Variants in CADM1 observed in about 807,000 individuals in gnomAD.
CADM1 encodes the protein TSLC-1.
A neutral mutation model predicts 53.1 loss-of-function variants in CADM1; 15 were observed. The ratio of observed to expected loss-of-function variants is 0.28; its 90% CI spans 0.19 to 0.44. The LOEUF is 0.44. Ranked by LOEUF, CADM1 falls within the 20% of genes least tolerant of loss-of-function variation. The probability of loss-of-function intolerance (pLI) is 1.00; values close to 1 mark genes in which losing one functional copy is unlikely to be tolerated. For missense variants in CADM1, 434 were observed against 611.3 expected, an observed-to-expected ratio of 0.71 and a Z score of 3.06; for synonymous variants, 281 against 243.0, an observed-to-expected ratio of 1.16 and a Z score of -1.45.
intron 3 of CADM1, 30 bp downstream of exon 3, chr11:115,238,470 C>T (rs757783008): frequency 6.2e-7 from 1 of 1,611,818 alleles, no homozygotes; most frequent in Non-Finnish European, 8.5e-7. Flanking sequence ...TATTCCATTT[C>T]CCCGGGTAAG....
At chr11:115,302,422 G>A (rs1376157624) in intron 1 of CADM1, among the ~76,000 whole-genome samples, 1 of 152,012 alleles carries the variant, frequency 6.6e-6, no homozygotes, top group Non-Finnish European at 1.5e-5. Flanking sequence ...TTTTTAAACT[G>A]ATATATCAAA....
intron 1 of CADM1, among the ~76,000 whole-genome samples, chr11:115,326,198 T>C (rs923815463): frequency 5.3e-5 from 8 of 152,206 alleles, no homozygotes; most frequent in Admixed American, 2.6e-4. Context: ...AGCTAGATTA[T>C]AGAGTTCTGC....
At chr11:115,371,905 T>C (rs1450478859) in intron 1 of CADM1, among the ~76,000 whole-genome samples, 1 of 152,098 alleles carries the variant, frequency 6.6e-6, no homozygotes, top group Non-Finnish European at 1.5e-5. Context: ...TGAAAAAAGA[T>C]ACATTGCATC....
chr11:115,429,564 C>T (rs543313267), intron 1 of CADM1, among the ~76,000 whole-genome samples: 6 of 149,266 alleles, frequency 4.0e-5, no homozygotes, highest in Non-Finnish European at 5.9e-5. Flanking sequence ...CGTGCCATTG[C>T]GCTCCAGCCT....
chr11:115,459,485 G>C (rs1948748750), intron 1 of CADM1, among the ~76,000 whole-genome samples: 1 of 152,114 alleles, frequency 6.6e-6, no homozygotes, highest in Non-Finnish European at 1.5e-5. Context: ...GAAATGTAGA[G>C]ATCTTCACCC....
intron 10 of CADM1, among the ~76,000 whole-genome samples, chr11:115,185,344 CACCAAGTT>C (rs1939492972): frequency 1.3e-5 from 2 of 152,158 alleles, no homozygotes; most frequent in Admixed American, 6.5e-5. Flanking sequence ...GAGTTGAAGT[CACCAAGTT>C]CTTTTCATTT....
chr11:115,358,409 A>G (rs1945935434), intron 1 of CADM1, among the ~76,000 whole-genome samples: 1 of 152,168 alleles, frequency 6.6e-6, no homozygotes. Context: ...GGCAACAGAC[A>G]AGAGAGAAGA....
At chr11:115,267,018 A>G (rs1473486971) in intron 1 of CADM1, among the ~76,000 whole-genome samples, 1 of 152,218 alleles carries the variant, frequency 6.6e-6, no homozygotes, top group Non-Finnish European at 1.5e-5. Flanking sequence ...GAGTAGATCG[A>G]CAGCCCTTTA....
intron 8 of CADM1, among the ~76,000 whole-genome samples, chr11:115,204,859 G>T (rs1940602951): frequency 6.6e-6 from 1 of 152,104 alleles, no homozygotes; most frequent in Non-Finnish European, 1.5e-5. Context: ...TGGGCCTGGG[G>T]GTAGGAATCA....
intron 1 of CADM1, among the ~76,000 whole-genome samples, chr11:115,441,541 A>G (rs1049812982): frequency 1.3e-5 from 2 of 152,182 alleles, no homozygotes; most frequent in Non-Finnish European, 2.9e-5. Context: ...AAATAAAGAT[A>G]CATTGAGGAA....
chr11:115,266,670 G>T (rs1039446346), intron 1 of CADM1, among the ~76,000 whole-genome samples: 1 of 152,080 alleles, frequency 6.6e-6, no homozygotes, highest in Non-Finnish European at 1.5e-5. Flanking sequence ...TCATAACTTT[G>T]TTCTGTCAGT....
At chr11:115,355,173 GT>G (rs1386806176) in intron 1 of CADM1, among the ~76,000 whole-genome samples, 1 of 152,084 alleles carries the variant, frequency 6.6e-6, no homozygotes, top group African/African-American at 2.4e-5. Flanking sequence ...TCACTGCAGC[GT>G]TATTCACAAT....
At chr11:115,443,625 A>G (rs1335366948) in intron 1 of CADM1, among the ~76,000 whole-genome samples, 1 of 152,250 alleles carries the variant, frequency 6.6e-6, no homozygotes, top group Non-Finnish European at 1.5e-5. Flanking sequence ...AGAAGAGACT[A>G]GACTTCAATA....
In CADM1 at chr11:115,328,711, T is replaced by C. The variant is rs1945040968; in HGVS notation, c.125-88291A>G. On this transcript the variant is annotated intron_variant, in intron 1 of 11. Coordinates refer to ENST00000331581, the MANE Select transcript of CADM1 (RefSeq NM_001301043.2). ...ATATGTGTATATATATGTATATATA[T>C]ATGTGTATATATATGTATATACATA... Among the ~76,000 whole-genome samples, 2 of 120,146 alleles carry C rather than the reference T, an allele frequency of 1.7e-5. 1 individual carries two copies. Among genetic ancestry groups the C allele is most frequent in the South Asian group, 5.9e-4 (2 of 3,414 alleles). 78.8% of individuals were successfully genotyped at this position (120,146 alleles called of 152,430 possible). A position where few individuals can be genotyped will look rare whatever the true frequency, so the allele number is the denominator to read the frequency against.
At chr11:115,272,751 G>C (rs911934126) in intron 1 of CADM1, among the ~76,000 whole-genome samples, 2 of 127,036 alleles carry the variant, frequency 1.6e-5, no homozygotes, top group Admixed American at 1.8e-4. Flanking sequence ...GACTGTTGTG[G>C]GGTGGGGGGA....
intron 1 of CADM1, among the ~76,000 whole-genome samples, chr11:115,501,066 T>C (rs1949716000): frequency 6.6e-6 from 1 of 152,160 alleles, no homozygotes; most frequent in Non-Finnish European, 1.5e-5. Flanking sequence ...ATTCCCCCCC[T>C]TTTTCGTATT....
At chr11:115,467,809 C>A (rs1044038930) in intron 1 of CADM1, among the ~76,000 whole-genome samples, 20 of 152,092 alleles carry the variant, frequency 1.3e-4, no homozygotes, top group African/African-American at 4.8e-4. Context: ...CGCCTAAGGA[C>A]CTTTAAACAA....
chr11:115,496,559 T>C (rs1949619065), intron 1 of CADM1, among the ~76,000 whole-genome samples: 1 of 152,026 alleles, frequency 6.6e-6, no homozygotes, highest in Non-Finnish European at 1.5e-5. Context: ...CAAAACAGTG[T>C]GGAGTTTGAA....
At chr11:115,504,060 C>T (rs756115428) in intron 1 of CADM1, among the ~76,000 whole-genome samples, 3 of 152,082 alleles carry the variant, frequency 2.0e-5, no homozygotes, top group Non-Finnish European at 2.9e-5. Flanking sequence ...CCTGGGGACT[C>T]TCATTCACAC....
Sources: gnomAD v4.1 joint callset for allele counts (sites outside exome capture counted in the v4.1 genomes callset) on GRCh38, gnomAD v4.1.1 for gene constraint, MANE v1.5 for transcripts, NCBI Gene and HGNC (gene_info 2026-07-23, HGNC 2026-07-21) for gene names.